CDH12: variants seen among roughly 807,000 people sequenced by gnomAD.
CDH12 encodes the protein cadherin-12.
In CDH12, 41 loss-of-function variants were observed where a neutral mutation model predicts 74.1. The observed-to-expected ratio is 0.55, with a 90% CI of 0.43 to 0.72. CDH12 has a LOEUF of 0.72. Among genes scored for constraint, CDH12 ranks in the 30% least tolerant of loss-of-function variants. The pLI is 0.00. For missense variants in CDH12, 945 were observed against 977.2 expected (o/e 0.97, Z 0.44); for synonymous variants, 399 against 355.0 (o/e 1.12, Z -1.39).
chr5:22,407,167 G>A (rs1213688247), intron 2 of CDH12, among the ~76,000 whole-genome samples: 1 of 152,016 alleles, frequency 6.6e-6, no homozygotes, highest in East Asian at 1.9e-4. Flanking sequence ...TCCCTTGAAG[G>A]TGCCATTGAC....
chr5:21,963,146 A>G lies in CDH12; in HGVS notation c.526+11945T>C, dbSNP rs1756438820. ...AGATAGAGAGATGATATAGATAGAG[A>G]TTTAATTCTAATTTTAGATTCAGGG... On this transcript the variant is annotated intron_variant, in intron 6 of 14. Transcript: ENST00000382254. 2.0e-5 allele frequency among the ~76,000 whole-genome samples: 3 copies of G among 152,180 alleles called. No individual in the cohort carries two copies. The South Asian group carries it at 6.2e-4, about 32-fold the overall frequency.
intron 3 of CDH12, among the ~76,000 whole-genome samples, chr5:22,329,022 CAAGAG>C (rs147281692): frequency 2.5e-3 from 385 of 152,064 alleles, no homozygotes; most frequent in African/African-American, 8.9e-3. Flanking sequence ...ATAAACAAGA[CAAGAG>C]AAGAGAGAAT....
chr5:22,680,469 C>T (rs1019206793), intron 1 of CDH12, among the ~76,000 whole-genome samples: 5 of 151,940 alleles, frequency 3.3e-5, no homozygotes, highest in East Asian at 1.9e-4. Context: ...ATCCAACTCA[C>T]GTATTTTATT....
At chr5:22,428,269 GATATC>G (rs766522576) in intron 2 of CDH12, among the ~76,000 whole-genome samples, 14 of 151,530 alleles carry the variant, frequency 9.2e-5, no homozygotes, top group Non-Finnish European at 1.8e-4. Context: ...TGTATATATA[GATATC>G]ATATATCCAT....
At chr5:21,873,940 C>T (rs1751789664) in intron 6 of CDH12, among the ~76,000 whole-genome samples, 1 of 152,160 alleles carries the variant, frequency 6.6e-6, no homozygotes, top group Admixed American at 6.5e-5. Context: ...TGATCTCATT[C>T]CCTTTTATGG....
intron 3 of CDH12, among the ~76,000 whole-genome samples, chr5:22,403,956 T>G (rs1026512288): frequency 2.6e-5 from 4 of 152,126 alleles, no homozygotes; most frequent in African/African-American, 9.7e-5. Flanking sequence ...ACTATATTAT[T>G]TTACTATATG....
chr5:21,934,232 T>C (rs147685410), intron 6 of CDH12, among the ~76,000 whole-genome samples: 106 of 152,304 alleles, frequency 7.0e-4, no homozygotes, highest in African/African-American at 2.5e-3. Context: ...TGAGACGTGA[T>C]TGGATCATAG....
intron 6 of CDH12, among the ~76,000 whole-genome samples, chr5:21,962,258 T>C (rs915857697): frequency 7.2e-5 from 11 of 152,236 alleles, no homozygotes; most frequent in Non-Finnish European, 1.0e-4. Flanking sequence ...TGTCATTCAA[T>C]CTCTTATTTT....
At chr5:22,062,214 C>T (rs1043747472) in intron 5 of CDH12, among the ~76,000 whole-genome samples, 1 of 152,074 alleles carries the variant, frequency 6.6e-6, no homozygotes, top group Non-Finnish European at 1.5e-5. Flanking sequence ...CTTTATGGCA[C>T]AGCTATTATG....
chr5:22,322,729 G>T (rs1438867698), intron 3 of CDH12, among the ~76,000 whole-genome samples: 1 of 152,174 alleles, frequency 6.6e-6, no homozygotes, highest in African/African-American at 2.4e-5. Flanking sequence ...TGCAGGCACA[G>T]ACTTTTTATT....
chr5:22,102,089 ATATAT>A (rs1744169882), intron 4 of CDH12, among the ~76,000 whole-genome samples: 1 of 152,190 alleles, frequency 6.6e-6, no homozygotes, highest in South Asian at 2.1e-4. Context: ...AAGTGAAAAT[ATATAT>A]TTATAAAGTC....
chr5:22,144,426 C>G lies in CDH12; in HGVS notation c.-186-65564G>C, dbSNP rs1747023401. On this transcript the variant is annotated intron_variant, in intron 4 of 14. Transcript: ENST00000382254. Reference sequence around the variant, plus strand: ...TTAATTAATGTACTACTAATCATAACAGTGTTAGTTACAATTTTGTCTTCA... The same window carrying G: ...TTAATTAATGTACTACTAATCATAAGAGTGTTAGTTACAATTTTGTCTTCA... Among the ~76,000 whole-genome samples, 3 of 152,206 alleles carry G rather than the reference C, an allele frequency of 2.0e-5. No homozygotes were observed. The South Asian group carries it at 6.2e-4, about 32-fold the overall frequency.
At chr5:22,798,753 TTATAAG>T (rs1748357505) in intron 1 of CDH12, among the ~76,000 whole-genome samples, 1 of 152,170 alleles carries the variant, frequency 6.6e-6, no homozygotes. Flanking sequence ...TATCAAGTAA[TTATAAG>T]TATAGTATGT....
At chr5:22,061,556 C>CTGTGT (rs1239596075) in intron 5 of CDH12, among the ~76,000 whole-genome samples, 1 of 152,092 alleles carries the variant, frequency 6.6e-6, no homozygotes, top group Non-Finnish European at 1.5e-5. Flanking sequence ...CTCTATTTTT[C>CTGTGT]TGTGTTATCT....
intron 3 of CDH12, among the ~76,000 whole-genome samples, chr5:22,288,816 C>A (rs1247940935): frequency 1.3e-5 from 2 of 152,088 alleles, no homozygotes; most frequent in African/African-American, 2.4e-5. Context: ...TTTAAAATTT[C>A]TTTAACTGAA....
At chr5:22,439,821 G>A (rs1484493905) in intron 2 of CDH12, among the ~76,000 whole-genome samples, 4 of 151,986 alleles carry the variant, frequency 2.6e-5, no homozygotes, top group Non-Finnish European at 5.9e-5. Context: ...CCTGAATTAG[G>A]CAGTATCATC....
At position 22,286,489 on chromosome 5, in the gene CDH12, T is replaced by C. The variant is rs554749062; in HGVS notation, c.-332-73846A>G. ...TAAAGGACAGCAGAGTCGGGTTTCA[T>C]CTTCTGCAATATTGTTAAATGGTCA... On this transcript the variant is annotated intron_variant, in intron 3 of 14. Transcript: ENST00000382254. Among the ~76,000 whole-genome samples the C allele has an allele frequency of 2.3e-4, 35 of 152,300 alleles. No individual in the cohort carries two copies. In the South Asian group the frequency reaches 6.8e-3, roughly 30 times the overall value.
intron 1 of CDH12, among the ~76,000 whole-genome samples, chr5:22,541,948 T>A (rs1435946151): frequency 6.6e-6 from 1 of 152,222 alleles, no homozygotes; most frequent in Non-Finnish European, 1.5e-5. Flanking sequence ...GCAGAATTGA[T>A]TCATGGACAT....
At chr5:22,108,367 G>T (rs1744612984) in intron 4 of CDH12, among the ~76,000 whole-genome samples, 2 of 152,064 alleles carry the variant, frequency 1.3e-5, no homozygotes, top group African/African-American at 4.8e-5. Flanking sequence ...CCCAGTGTTG[G>T]GTATGTCTTT....
Sources: allele counts gnomAD v4.1 joint callset (sites outside exome capture counted in the v4.1 genomes callset), GRCh38; gene constraint gnomAD v4.1.1; transcripts MANE v1.5; gene names NCBI Gene and HGNC (gene_info 2026-07-23, HGNC 2026-07-21).